GUCY1A2: variants seen among roughly 807,000 people sequenced by gnomAD.
GUCY1A2 encodes the protein guanylate cyclase soluble subunit alpha-2.
Under a neutral mutation model 63.5 loss-of-function variants are expected in GUCY1A2, and 27 were observed. The observed-to-expected ratio is 0.43, with a 90% CI of 0.31 to 0.59. GUCY1A2 has a LOEUF of 0.59. GUCY1A2 is among the 20% of genes least tolerant of loss of function. The probability of loss-of-function intolerance (pLI) is 0.11; values close to 1 mark genes in which losing one functional copy is unlikely to be tolerated. For missense variants in GUCY1A2, 768 were observed against 913.3 expected, an observed-to-expected ratio of 0.84 and a Z score of 2.05; for synonymous variants, 364 against 343.5, an observed-to-expected ratio of 1.06 and a Z score of -0.66.
intron 3 of GUCY1A2, among the ~76,000 whole-genome samples, chr11:106,959,583 T>A (rs1861034129): frequency 6.6e-6 from 1 of 152,240 alleles, no homozygotes; most frequent in Non-Finnish European, 1.5e-5. Flanking sequence ...TGAAGAGAGC[T>A]GCCGGCTCAA....
At chr11:106,785,188 T>C (rs867153443) in intron 5 of GUCY1A2, among the ~76,000 whole-genome samples, 1 of 152,164 alleles carries the variant, frequency 6.6e-6, no homozygotes, top group Non-Finnish European at 1.5e-5. Context: ...TATTTACTCT[T>C]TCTAAAGGCC....
chr11:106,782,771 C>CAT (rs1053691898), intron 5 of GUCY1A2, among the ~76,000 whole-genome samples: 1 of 152,038 alleles, frequency 6.6e-6, no homozygotes, highest in Non-Finnish European at 1.5e-5. Flanking sequence ...CAAACACACA[C>CAT]ACACAAAACC....
chr11:106,699,410 G>A (rs1484977105), intron 7 of GUCY1A2, among the ~76,000 whole-genome samples: 1 of 152,092 alleles, frequency 6.6e-6, no homozygotes, highest in Non-Finnish European at 1.5e-5. Flanking sequence ...CTTTGTAAAC[G>A]TTATTTATGA....
intron 4 of GUCY1A2, among the ~76,000 whole-genome samples, chr11:106,829,018 T>C (rs9651675): frequency 0.27 from 41,561 of 152,218 alleles, 5,914 homozygotes; most frequent in Admixed American, 0.35. Flanking sequence ...AGGAATTATA[T>C]GATTGCTTTG....
At chr11:106,713,496 CTTTTTTTTTTTT>C (rs143909145) in intron 6 of GUCY1A2, among the ~76,000 whole-genome samples, 8 of 78,356 alleles carry the variant, frequency 1.0e-4, no homozygotes, top group East Asian at 4.0e-4. Context: ...TAGTATGTTT[CTTTTTTTTTTTT>C]TTTTTTTTTT....
intron 4 of GUCY1A2, among the ~76,000 whole-genome samples, chr11:106,854,240 C>T (rs1859396064): frequency 6.6e-6 from 1 of 152,142 alleles, no homozygotes. Flanking sequence ...GGCAGGACAG[C>T]CTTGGGCCCG....
chr11:106,973,993 A>T (rs1395927278), intron 3 of GUCY1A2, among the ~76,000 whole-genome samples: 3 of 152,078 alleles, frequency 2.0e-5, no homozygotes, highest in Non-Finnish European at 1.5e-5. Context: ...TGAGGTAAGG[A>T]AAGATGAAGT....
At chr11:106,826,643 T>A in intron 4 of GUCY1A2, 1 of 1,607,430 alleles carries the variant, frequency 6.2e-7, no homozygotes. Flanking sequence ...AGTACAACCT[T>A]ATAGTTAAAA....
intron 4 of GUCY1A2, among the ~76,000 whole-genome samples, chr11:106,907,139 C>G (rs1860219694): frequency 6.6e-6 from 1 of 152,022 alleles, no homozygotes; most frequent in South Asian, 2.1e-4. Flanking sequence ...GACACCAACT[C>G]CATTTCTGAG....
chr11:106,811,927 A>G (rs1858767312), intron 4 of GUCY1A2, among the ~76,000 whole-genome samples: 2 of 152,042 alleles, frequency 1.3e-5, no homozygotes, highest in Non-Finnish European at 2.9e-5. Context: ...TATATCGGCC[A>G]GAGAATAGGA....
intron 4 of GUCY1A2, among the ~76,000 whole-genome samples, chr11:106,937,726 T>C (rs1360265965): frequency 2.0e-5 from 3 of 152,184 alleles, no homozygotes; most frequent in Admixed American, 2.0e-4. Flanking sequence ...AACATACATA[T>C]AATATACATA....
intron 7 of GUCY1A2, among the ~76,000 whole-genome samples, chr11:106,704,906 CTATT>C (rs372888751): frequency 9.8e-4 from 148 of 150,468 alleles, no homozygotes; most frequent in Non-Finnish European, 1.8e-3. Context: ...ATTATATGCA[CTATT>C]TAAAGTGCAT....
chr11:106,752,919 C>T lies in GUCY1A2; in HGVS notation c.1836+23520G>A, dbSNP rs188868047. 2.6e-3 allele frequency among the ~76,000 whole-genome samples: 393 copies of T among 152,182 alleles called. 5 individuals carry two copies. The highest frequency in any genetic ancestry group is 0.023 in the Admixed American group (350 of 15,286). ...CAAATGGTAATTCTGGTTCTAGATC[C>T]TTGAGGAATCACCACACTGTCTTCC... On this transcript the variant is annotated intron_variant, in intron 6 of 7. Coordinates refer to ENST00000526355, the MANE Select transcript of GUCY1A2 (RefSeq NM_000855.3).
At chr11:106,981,866 G>A (rs1565350373) in intron 2 of GUCY1A2, among the ~76,000 whole-genome samples, 3 of 152,126 alleles carry the variant, frequency 2.0e-5, no homozygotes, top group Admixed American at 6.5e-5. Context: ...GCCCAAGGAA[G>A]ACAGGAAAAG....
At chr11:106,768,891 C>A (rs1198512220) in intron 6 of GUCY1A2, among the ~76,000 whole-genome samples, 1 of 152,038 alleles carries the variant, frequency 6.6e-6, no homozygotes, top group Non-Finnish European at 1.5e-5. Context: ...GGGCAAAGAC[C>A]TTAGAAAGCC....
chr11:106,846,875 G>A (rs1859280610), intron 4 of GUCY1A2, among the ~76,000 whole-genome samples: 1 of 151,364 alleles, frequency 6.6e-6, no homozygotes, highest in South Asian at 2.1e-4. Context: ...TGTATCAGGG[G>A]AAAAGGTTAT....
chr11:106,875,774 G>C (rs1400929101), intron 4 of GUCY1A2, among the ~76,000 whole-genome samples: 5 of 152,042 alleles, frequency 3.3e-5, no homozygotes, highest in African/African-American at 1.2e-4. Flanking sequence ...GGAAAGGATG[G>C]AGAAGGTGCC....
At chr11:106,948,371 C>T (rs900345251) in intron 3 of GUCY1A2, among the ~76,000 whole-genome samples, 20 of 151,870 alleles carry the variant, frequency 1.3e-4, no homozygotes, top group Admixed American at 4.6e-4. Flanking sequence ...AGAAATGAAA[C>T]GGTAGTTCAG....
At chr11:106,951,623 G>A (rs985381871) in intron 3 of GUCY1A2, among the ~76,000 whole-genome samples, 40 of 151,972 alleles carry the variant, frequency 2.6e-4, no homozygotes, top group African/African-American at 6.3e-4. Context: ...TTAAGTTCCC[G>A]GTAAATTCTG....
Sources: gnomAD v4.1 joint callset for allele counts (sites outside exome capture counted in the v4.1 genomes callset) on GRCh38, gnomAD v4.1.1 for gene constraint, MANE v1.5 for transcripts, NCBI Gene and HGNC (gene_info 2026-07-23, HGNC 2026-07-21) for gene names.